Variants in PRR15L observed in about 807,000 individuals in gnomAD.
PRR15L encodes proline-rich protein 15-like protein.
A neutral mutation model predicts 3.7 loss-of-function variants in PRR15L; 1 was observed. The ratio of observed to expected loss-of-function variants is 0.27; its 90% CI spans 0.09 to 1.27. The LOEUF (loss-of-function observed/expected upper bound fraction) is 1.27. PRR15L is among the 50% of genes most tolerant of loss of function. The pLI is 0.47. For missense variants in PRR15L, 127 were observed against 128.7 expected, an observed-to-expected ratio of 0.99 and a Z score of 0.06; for synonymous variants, 57 against 51.9, an observed-to-expected ratio of 1.10 and a Z score of -0.42.
At chr17:47,953,948 TC>T (rs759283146) in intron 1 of PRR15L, among the ~76,000 whole-genome samples, 4 of 152,224 alleles carry the variant, frequency 2.6e-5, no homozygotes, top group Non-Finnish European at 4.4e-5. Context: ...TCACACAGCA[TC>T]CAGGCCTTTG....
At position 47,952,885 on chromosome 17, in the gene PRR15L, G is replaced by T; in HGVS notation, c.*38C>A. On this transcript the variant is annotated 3_prime_UTR_variant, in exon 2 of 2. Transcript: ENST00000300557. ...GGTCCTGTCTCAGATCTGGCTGATG[G>T]CAGGGAGCCAAGAGGTGCTAGCACC... is the stretch of plus-strand genomic sequence containing the variant. The T allele has an allele frequency of 6.4e-7, 1 of 1,563,188 alleles. No individual in the cohort carries two copies. The highest frequency in any genetic ancestry group is 8.7e-7 in the Non-Finnish European group (1 of 1,152,198).
At chr17:47,954,292 A>T (rs1368340173) in intron 1 of PRR15L, among the ~76,000 whole-genome samples, 1 of 152,232 alleles carries the variant, frequency 6.6e-6, no homozygotes, top group Non-Finnish European at 1.5e-5. Flanking sequence ...ACTAGCATTT[A>T]GCTCTACTGT....
Position 47,953,283 on chromosome 17 carries a change from G to T in PRR15L, c.-29-20C>A. On this transcript the variant is annotated intron_variant, in intron 1 of 1. Coordinates refer to ENST00000300557, the MANE Select transcript of PRR15L (RefSeq NM_024320.4). ...GGCTTTCTGCTGGAGCAGGGTGGGG[G>T]AGACAAAGGGGTCAGTGGGAAAAGG... is the stretch of plus-strand genomic sequence containing the variant. The T allele has an allele frequency of 1.4e-6, 2 of 1,469,788 alleles. No homozygotes were observed. Among genetic ancestry groups the T allele is most frequent in the East Asian group, 2.3e-5 (1 of 43,820 alleles). The allele number at this position is 1,469,788 out of a possible 1,614,324, so 91.0% of individuals were successfully genotyped here. A position where few individuals can be genotyped will look rare whatever the true frequency, so the allele number is the denominator to read the frequency against.
rs190029153 is a variant in PRR15L, at chr17:47,956,158, G to T, written c.-30+1499C>A. Reference sequence around the variant, plus strand: ...CCTTGCATCCTAGCCTTGTACTCTGGTCTCTCTAGAATACTCTGCCAGAGG... The same window carrying T: ...CCTTGCATCCTAGCCTTGTACTCTGTTCTCTCTAGAATACTCTGCCAGAGG... On this transcript the variant is annotated intron_variant, in intron 1 of 1. Coordinates refer to ENST00000300557, the MANE Select transcript of PRR15L (RefSeq NM_024320.4). 2.1e-3 allele frequency among the ~76,000 whole-genome samples: 314 copies of T among 152,266 alleles called. 1 individual carries two copies. Among genetic ancestry groups the T allele is most frequent in the African/African-American group, 7.5e-3 (310 of 41,536 alleles).
In PRR15L at chr17:47,952,736, G is replaced by A. The variant is rs2036081146; in HGVS notation, c.*187C>T. ...GTCAGGGGGAGGGTGGAGGACCCTG[G>A]GATCTCCCAGGCCTTACAAAAGTGG... On this transcript the variant is annotated 3_prime_UTR_variant, in exon 2 of 2. Coordinates refer to ENST00000300557, the MANE Select transcript of PRR15L (RefSeq NM_024320.4). 1 of 570,210 alleles carries A rather than the reference G, an allele frequency of 1.8e-6. No homozygotes were observed. The highest frequency in any genetic ancestry group is 3.0e-6 in the Non-Finnish European group (1 of 329,540). The allele number at this position is 570,210 out of a possible 1,614,324, so 35.3% of individuals were successfully genotyped here.
chr17:47,954,940 T>G (rs1218392315), intron 1 of PRR15L, among the ~76,000 whole-genome samples: 2 of 116,788 alleles, frequency 1.7e-5, no homozygotes, highest in African/African-American at 6.2e-5. Flanking sequence ...TTTTCTTTTT[T>G]TTTTTTTTGA....
chr17:47,952,919 C>T lies in PRR15L; in HGVS notation c.*4G>A, dbSNP rs2036083490. 6.2e-7 allele frequency: 1 copy of T among 1,610,708 alleles called. No individual in the cohort carries two copies. On this transcript the variant is annotated 3_prime_UTR_variant, in exon 2 of 2. Coordinates refer to ENST00000300557, the MANE Select transcript of PRR15L (RefSeq NM_024320.4). ...CAAGAGGTGCTAGCACCCTCCTCAG[C>T]CCTTCACTTTGATGACCGTCCTTCC... is the stretch of plus-strand genomic sequence containing the variant.
At chr17:47,953,308 G>A in intron 1 of PRR15L, 45 bp from the exon 2 acceptor site, 2 of 1,246,424 alleles carry the variant, frequency 1.6e-6, no homozygotes, top group Non-Finnish European at 2.2e-6. Flanking sequence ...GTGGGAAAAG[G>A]GGGTGGGTGC....
chr17:47,952,985 C>T lies in PRR15L; in HGVS notation c.250G>A (p.Ala84Thr). The T allele has an allele frequency of 6.2e-7, 1 of 1,614,146 alleles. No individual in the cohort carries two copies. Among genetic ancestry groups the T allele is most frequent in the Non-Finnish European group, 8.5e-7 (1 of 1,180,028 alleles). ...AGGTTAGGGTTCTCTGCCAGCGTGGCTCTCACTTTCTTCTTCTCCTTGAAG... is the reference window on the plus strand; with the variant it reads ...AGGTTAGGGTTCTCTGCCAGCGTGGTTCTCACTTTCTTCTTCTCCTTGAAG... ...GRFKEKKKVRATLAENPNLFD... is the reference protein window; with the variant it reads ...GRFKEKKKVRTTLAENPNLFD... Residue 84 changes from alanine to threonine, a missense_variant, in exon 2 of 2, where the codon GCC becomes ACC. Physicochemically the swap from Ala to Thr is moderately conservative, Grantham distance 58. Coordinates refer to ENST00000300557, the MANE Select transcript of PRR15L (RefSeq NM_024320.4).
rs1555564223 is a variant in PRR15L, at chr17:47,953,278, T to TA, written c.-29-16_-29-15insT. 19 of 1,453,886 alleles carry TA rather than the reference T, an allele frequency of 1.3e-5. No individual in the cohort carries two copies. Among genetic ancestry groups the TA allele is most frequent in the South Asian group, 4.1e-5 (3 of 73,866 alleles). 90.1% of individuals were successfully genotyped at this position (1,453,886 alleles called of 1,614,324 possible). On this transcript the variant is annotated splice_polypyrimidine_tract_variant and intron_variant, in intron 1 of 1. Coordinates refer to ENST00000300557, the MANE Select transcript of PRR15L (RefSeq NM_024320.4). Reference sequence around the variant, plus strand: ...GATGGGGCTTTCTGCTGGAGCAGGGTGGGGGAGACAAAGGGGTCAGTGGGA... The same window carrying TA: ...GATGGGGCTTTCTGCTGGAGCAGGGTAGGGGGAGACAAAGGGGTCAGTGGGA...
At chr17:47,954,267 C>T (rs1228348496) in intron 1 of PRR15L, among the ~76,000 whole-genome samples, 1 of 152,166 alleles carries the variant, frequency 6.6e-6, no homozygotes, top group East Asian at 1.9e-4. Flanking sequence ...AGTTTCCTCA[C>T]CCATCCCATC....
chr17:47,955,496 A>G (rs1466018091), intron 1 of PRR15L, among the ~76,000 whole-genome samples: 3 of 150,412 alleles, frequency 2.0e-5, no homozygotes, highest in African/African-American at 7.4e-5. Flanking sequence ...TCTGGGAAGC[A>G]GCTCCCACAT....
At chr17:47,954,287 C>CATT (rs1383563410) in intron 1 of PRR15L, among the ~76,000 whole-genome samples, 7 of 152,220 alleles carry the variant, frequency 4.6e-5, no homozygotes, top group Admixed American at 1.3e-4. Flanking sequence ...CCAGCACTAG[C>CATT]ATTTAGCTCT....
In PRR15L at chr17:47,957,826, C is replaced by T. The variant is rs1447848083; in HGVS notation, c.-199G>A. On this transcript the variant is annotated 5_prime_UTR_variant, in exon 1 of 2. Transcript: ENST00000300557. ...GGTAGGAGCAGCTGCACGTCAGGTG[C>T]AAGAGAAACAGGTGCAAGAGCTGTT... 1 of 152,202 alleles carries T rather than the reference C, an allele frequency of 6.6e-6. No individual in the cohort carries two copies. The highest frequency in any genetic ancestry group is 6.5e-5 in the Admixed American group (1 of 15,278). The allele number at this position is 152,202 out of a possible 1,614,324, so 9.4% of individuals were successfully genotyped here. A position where few individuals can be genotyped will look rare whatever the true frequency, so the allele number is the denominator to read the frequency against.
rs192287487 is a variant in PRR15L, at chr17:47,953,213, A to C, written c.22T>G (p.Trp8Gly). MTTEIGWWKLTFLRKKKS... is the reference protein window; with the variant it reads MTTEIGWGKLTFLRKKKS... ...TTTTTCCGGAGGAAAGTCAGCTTCCACCAACCAATTTCAGTCGTCATGGCG... is the reference window on the plus strand; with the variant it reads ...TTTTTCCGGAGGAAAGTCAGCTTCCCCCAACCAATTTCAGTCGTCATGGCG... Residue 8 changes from tryptophan (W) to glycine (G), a missense_variant, in exon 2 of 2, where the codon TGG becomes GGG. By Grantham distance (184) the Trp-to-Gly change is radical. Transcript: ENST00000300557. 1 of 1,588,292 alleles carries C rather than the reference A, an allele frequency of 6.3e-7. No homozygotes were observed. The highest frequency in any genetic ancestry group is 1.4e-5 in the African/African-American group (1 of 73,990).
intron 1 of PRR15L, among the ~76,000 whole-genome samples, chr17:47,953,694 T>C (rs2036098876): frequency 6.7e-6 from 1 of 149,484 alleles, no homozygotes; most frequent in African/African-American, 2.5e-5. Context: ...AGAAGAAGAA[T>C]TAAAGAAAGA....
intron 1 of PRR15L, among the ~76,000 whole-genome samples, chr17:47,956,155 C>T (rs2036126658): frequency 6.6e-6 from 1 of 152,178 alleles, no homozygotes; most frequent in African/African-American, 2.4e-5. Flanking sequence ...GCCTTGTACT[C>T]TGGTCTCTCT....
intron 1 of PRR15L, among the ~76,000 whole-genome samples, chr17:47,955,181 G>A (rs1036674446): frequency 1.3e-4 from 20 of 151,976 alleles, no homozygotes; most frequent in African/African-American, 4.6e-4. Context: ...CACCCACCTC[G>A]GCCTCCCAAA....
At chr17:47,956,967 C>T (rs959086311) in intron 1 of PRR15L, among the ~76,000 whole-genome samples, 6 of 152,256 alleles carry the variant, frequency 3.9e-5, no homozygotes, top group African/African-American at 1.4e-4. Flanking sequence ...TGGGGCCTTG[C>T]AATCCAGGGA....
Sources: allele counts gnomAD v4.1 joint callset (sites outside exome capture counted in the v4.1 genomes callset), GRCh38; gene constraint gnomAD v4.1.1; transcripts MANE v1.5; gene names NCBI Gene and HGNC (gene_info 2026-07-23, HGNC 2026-07-21).